Variants in ECE1 observed in about 807,000 individuals in gnomAD.
ECE1 encodes the protein endothelin-converting enzyme 1.
A neutral mutation model predicts 98.6 loss-of-function variants in ECE1; 35 were observed. The ratio of observed to expected loss-of-function variants is 0.35; its 90% confidence interval spans 0.27 to 0.47. The LOEUF is 0.47. ECE1 is among the 20% of genes least tolerant of loss of function. ECE1 has a pLI of 1.00. For missense variants in ECE1, 814 were observed against 1,025.3 expected, an observed-to-expected ratio of 0.79 and a Z score of 2.81; for synonymous variants, 394 against 407.1, an observed-to-expected ratio of 0.97 and a Z score of 0.39.
At chr1:21,284,018 C>T (rs1315496219) in intron 2 of ECE1, among the ~76,000 whole-genome samples, 2 of 152,174 alleles carry the variant, frequency 1.3e-5, no homozygotes, top group South Asian at 2.1e-4. Flanking sequence ...GATCAGGAGG[C>T]CTCTCCAGGG....
At chr1:21,341,671 C>G in intron 1 of ECE1, among the ~76,000 whole-genome samples, 1 of 152,244 alleles carries the variant, frequency 6.6e-6, no homozygotes, top group Middle Eastern at 3.2e-3. Flanking sequence ...AGCCCAGTCA[C>G]CAGCAGGGGC....
intron 1 of ECE1, among the ~76,000 whole-genome samples, chr1:21,333,910 G>A (rs1464819903): frequency 6.6e-6 from 1 of 151,942 alleles, no homozygotes; most frequent in Non-Finnish European, 1.5e-5. Flanking sequence ...GCACCGTCCT[G>A]TGAGCTTTAC....
At chr1:21,272,935 C>T (rs774542210) in intron 3 of ECE1, 24 bp from the exon 4 acceptor site, 10 of 1,613,202 alleles carry the variant, frequency 6.2e-6, no homozygotes, top group Non-Finnish European at 8.5e-6. Context: ...GGACAAGAGG[C>T]CAGTGAAGGG....
At chr1:21,274,411 G>A (rs987033158) in intron 3 of ECE1, among the ~76,000 whole-genome samples, 3 of 152,204 alleles carry the variant, frequency 2.0e-5, no homozygotes, top group African/African-American at 7.2e-5. Flanking sequence ...AGCTTTCTAC[G>A]TTTGCCAGTG....
At position 21,258,754 on chromosome 1, in the gene ECE1, G is replaced by C; in HGVS notation, c.701C>G (p.Ser234Ter). 8 of 1,614,230 alleles carry C rather than the reference G, an allele frequency of 5.0e-6. No homozygotes were observed. The highest frequency in any genetic ancestry group is 6.8e-6 in the Non-Finnish European group (8 of 1,180,040). Residue 234 changes from serine to a stop codon, truncating the protein, a stop_gained, in exon 6 of 19, where the codon TCA becomes TGA. Coordinates refer to ENST00000374893, the MANE Select transcript of ECE1 (RefSeq NM_001397.3). LOFTEE classifies it high-confidence loss of function. The surrounding 1 kb of genome is among the most constrained non-coding windows in gnomAD (Gnocchi z 4.2). ...LQVVTAHYRT[S>*]PFFSVYVSAD... ...ACTGACATAGACAGAGAAGAAGGGT[G>C]AGGTGCGGTAGTGGGCGGTGACCAC... is the stretch of plus-strand genomic sequence containing the variant.
intron 1 of ECE1, among the ~76,000 whole-genome samples, chr1:21,316,389 C>A (rs1202767321): frequency 6.6e-6 from 1 of 152,194 alleles, no homozygotes; most frequent in Non-Finnish European, 1.5e-5. Context: ...CTGCCTCAGA[C>A]TCCTGAGTAG....
intron 14 of ECE1, among the ~76,000 whole-genome samples, chr1:21,229,624 A>G (rs1222139217): frequency 2.6e-5 from 4 of 152,262 alleles, no homozygotes; most frequent in African/African-American, 9.6e-5. Flanking sequence ...TGAAAAACTT[A>G]TATTGGCCAC....
chr1:21,290,057 G>C lies in ECE1; in HGVS notation c.138+13C>G. The C allele has an allele frequency of 6.9e-7, 1 of 1,459,558 alleles. No homozygotes were observed. The highest frequency in any genetic ancestry group is 9.1e-7 in the Non-Finnish European group (1 of 1,097,324). The allele number at this position is 1,459,558 out of a possible 1,614,324, so 90.4% of individuals were successfully genotyped here. A position where few individuals can be genotyped will look rare whatever the true frequency, so the allele number is the denominator to read the frequency against. ...GGGCGCCTGGACCTCGGGAGGGAGC[G>C]GAGGGCGCCTACCTGCAGGCCGTTG... On this transcript the variant is annotated intron_variant, in intron 2 of 18. Coordinates refer to ENST00000374893, the MANE Select transcript of ECE1 (RefSeq NM_001397.3). The surrounding 1 kb of genome is among the most constrained non-coding windows in gnomAD (Gnocchi z 7.3).
intron 3 of ECE1, among the ~76,000 whole-genome samples, chr1:21,273,852 G>C (rs963313415): frequency 5.9e-5 from 9 of 152,238 alleles, no homozygotes; most frequent in Admixed American, 5.2e-4. Context: ...CGAGGAGACT[G>C]GTTTGCCAGA....
At chr1:21,289,420 G>A (rs1172071882) in intron 2 of ECE1, among the ~76,000 whole-genome samples, 1 of 152,160 alleles carries the variant, frequency 6.6e-6, no homozygotes, top group Admixed American at 6.5e-5. Flanking sequence ...AGGCAGGGAC[G>A]GGGGTGGGGC....
intron 1 of ECE1, among the ~76,000 whole-genome samples, chr1:21,304,468 ACTGTGGC>A (rs1036890427): frequency 3.5e-4 from 53 of 151,260 alleles, no homozygotes; most frequent in African/African-American, 1.3e-3. Flanking sequence ...TCTCCTCCTC[ACTGTGGC>A]CCCAGGGTGA....
chr1:21,283,192 G>A (rs563733664), intron 2 of ECE1, among the ~76,000 whole-genome samples: 14 of 151,818 alleles, frequency 9.2e-5, no homozygotes, highest in African/African-American at 3.1e-4. Context: ...TGATCCACCC[G>A]CCTTGGCCTC....
chr1:21,250,504 C>G (rs113237414), intron 8 of ECE1, among the ~76,000 whole-genome samples: 2 of 152,320 alleles, frequency 1.3e-5, no homozygotes, highest in African/African-American at 4.8e-5. Flanking sequence ...ATGTATGTTC[C>G]TGGGCCTGTC....
intron 1 of ECE1, among the ~76,000 whole-genome samples, chr1:21,343,042 C>T (rs1377371034): frequency 6.6e-6 from 1 of 152,206 alleles, no homozygotes; most frequent in Non-Finnish European, 1.5e-5. Context: ...TGTGCACTCA[C>T]ACCTCTGCTC....
Position 21,319,255 on chromosome 1 carries a change from C to A in ECE1, c.3+26121G>T, listed in dbSNP as rs1339156791. On this transcript the variant is annotated intron_variant, in intron 1 of 18. Coordinates refer to the ECE1 transcript ENST00000415912. The surrounding 1 kb of genome is among the most constrained non-coding windows in gnomAD (Gnocchi z 4.4). ...AGCTACTTGGGAGGCTGAGGTGGGA[C>A]AATCGCTTGAACCCGGGAAGTGGAG... 6.6e-6 allele frequency among the ~76,000 whole-genome samples: 1 copy of A among 152,102 alleles called. No individual in the cohort carries two copies. Among genetic ancestry groups the A allele is most frequent in the Admixed American group, 6.5e-5 (1 of 15,268 alleles).
chr1:21,292,050 G>C (rs982002393), upstream of ECE1, among the ~76,000 whole-genome samples: 1 of 151,622 alleles, frequency 6.6e-6, no homozygotes, highest in Admixed American at 6.6e-5. Flanking sequence ...CAGCTACTTG[G>C]GAGGCTTAGG....
chr1:21,236,514 T>C (rs1262679748), intron 12 of ECE1, among the ~76,000 whole-genome samples: 1 of 152,208 alleles, frequency 6.6e-6, no homozygotes, highest in Non-Finnish European at 1.5e-5. Context: ...CCGAGCGTGG[T>C]GGCGCACGCC....
At chr1:21,284,810 T>C (rs2098258787) in intron 2 of ECE1, among the ~76,000 whole-genome samples, 1 of 152,180 alleles carries the variant, frequency 6.6e-6, no homozygotes, top group Admixed American at 6.5e-5. Context: ...CCCAGCAACC[T>C]GGGCTGCACG....
Position 21,260,385 on chromosome 1 carries a change from G to A in ECE1, c.501C>T (p.Ser167=). 2 of 1,614,178 alleles carry A rather than the reference G, an allele frequency of 1.2e-6. No individual in the cohort carries two copies. Among genetic ancestry groups the A allele is most frequent in the South Asian group, 2.2e-5 (2 of 91,080 alleles). ...TCTCTGCCTCGCTCACGCTGGCCGT[G>A]GAGTTTTCTGGAACAACAGACAGTG... ...QAIIKHLLEN[S]TASVSEAERK... Residue 167 remains serine (S), a synonymous_variant, in exon 5 of 19, where the codon TCC becomes TCT. Coordinates refer to ENST00000374893, the MANE Select transcript of ECE1 (RefSeq NM_001397.3). The surrounding 1 kb of genome is among the most constrained non-coding windows in gnomAD (Gnocchi z 4.3).
Sources: allele counts gnomAD v4.1 joint callset (sites outside exome capture counted in the v4.1 genomes callset), GRCh38; gene constraint gnomAD v4.1.1; non-coding constraint Gnocchi (gnomAD v3.1); transcripts MANE v1.5; gene names NCBI Gene and HGNC (gene_info 2026-07-23, HGNC 2026-07-21).